The following CD2AP variants were observed in gnomAD, a reference collection of about 807,000 sequenced individuals.
The protein encoded by CD2AP is CD2 associated protein.
Under a neutral mutation model 85.1 loss-of-function variants are expected in CD2AP, and 46 were observed. That is an observed-to-expected ratio of 0.54 (90% CI 0.43 to 0.69). The LOEUF (loss-of-function observed/expected upper bound fraction) is 0.69, where lower values mean the gene tolerates loss of function less well. CD2AP is among the 30% of genes least tolerant of loss of function. The probability of loss-of-function intolerance (pLI) is 0.00; values close to 1 mark genes in which losing one functional copy is unlikely to be tolerated. For synonymous variants in CD2AP, 255 were observed against 252.9 expected (o/e 1.01, Z -0.08); for missense variants, 769 against 729.5 (o/e 1.05, Z -0.62).
intron 15 of CD2AP, 89 bp downstream of exon 15, chr6:47,608,117 G>A (rs114654393): frequency 3.3e-6 from 3 of 916,908 alleles, no homozygotes; most frequent in African/African-American, 1.6e-5. Flanking sequence ...TCTTTAGGAC[G>A]AATTATTTTT....
At chr6:47,492,676 ATGTAAGGTCTGTAGAGATACTC>A (rs1238731472) in intron 1 of CD2AP, among the ~76,000 whole-genome samples, 2 of 152,118 alleles carry the variant, frequency 1.3e-5, no homozygotes, top group Non-Finnish European at 2.9e-5. Context: ...GTTTTAATAA[ATGTAAGGTCTGTAGAGATACTC>A]TGTCTTTTAT....
intron 8 of CD2AP, among the ~76,000 whole-genome samples, chr6:47,578,067 A>G (rs1422891378): frequency 6.6e-6 from 1 of 152,166 alleles, no homozygotes; most frequent in African/African-American, 2.4e-5. Flanking sequence ...ATAGCAGCTA[A>G]AATCATTTAG....
At chr6:47,539,805 T>C (rs1398266187) in intron 3 of CD2AP, among the ~76,000 whole-genome samples, 3 of 152,206 alleles carry the variant, frequency 2.0e-5, no homozygotes, top group Admixed American at 6.5e-5. Context: ...GCTTTACTTA[T>C]ATAATGATTT....
Position 47,607,939 on chromosome 6 carries a change from C to T in CD2AP, c.1543C>T (p.Pro515Ser), listed in dbSNP as rs1466820776. Residue 515 changes from proline (P) to serine (S), a missense_variant, in exon 15 of 18, where the codon CCC becomes TCC. Pro to Ser is a moderately conservative substitution (Grantham distance 74). Transcript: ENST00000359314. The stretch of plus-strand genomic sequence containing the variant: ...AAAAATCATTTAGCCAACTCACAGC[C>T]CCGAAAAAATCTTGAAGTTACCAAA... ...FNGGHSPTHS[P>S]EKILKLPKEE... 6.2e-7 allele frequency: 1 copy of T among 1,611,578 alleles called. No homozygotes were observed. Among genetic ancestry groups the T allele is most frequent in the Admixed American group, 1.7e-5 (1 of 59,916 alleles).
intron 3 of CD2AP, among the ~76,000 whole-genome samples, chr6:47,543,169 A>G (rs1263760918): frequency 5.8e-5 from 8 of 136,760 alleles, no homozygotes; most frequent in East Asian, 2.0e-4. Flanking sequence ...AAAAAAAAAA[A>G]AAAGAAAAAG....
At position 47,595,929 on chromosome 6, in the gene CD2AP, A is replaced by C. The variant is rs867333326; in HGVS notation, c.1177A>C (p.Thr393Pro). The change falls in exon 12 of 18, where the codon ACT (threonine) becomes CCT (proline). Residue 393 changes from threonine to proline, a missense_variant. Transcript: ENST00000359314. ...AAPQVPPKKP[T>P]PPTKASNLLR... ...TCCACAAGTCCCACCCAAGAAACCTACTCCACCTACCAAAGCCAGTAATTT... is the reference window on the plus strand; with the variant it reads ...TCCACAAGTCCCACCCAAGAAACCTCCTCCACCTACCAAAGCCAGTAATTT... The C allele has an allele frequency of 1.9e-6, 3 of 1,612,676 alleles. No homozygotes were observed. The highest frequency in any genetic ancestry group is 1.7e-5 in the Admixed American group (1 of 59,946).
At position 47,609,265 on chromosome 6, in the gene CD2AP, AATTGTTGTGC is replaced by A; in HGVS notation, c.1781_1790del (p.Leu594Ter). The A allele has an allele frequency of 6.2e-7, 1 of 1,613,738 alleles. No homozygotes were observed. The highest frequency in any genetic ancestry group is 1.1e-5 in the South Asian group (1 of 91,078). On this transcript the variant is annotated frameshift_variant, in exon 16 of 18. Transcript: ENST00000359314. LOFTEE classifies it high-confidence loss of function. Reference sequence around the variant, plus strand: ...GATGAACTTAGAGCCCAGATTATTGAATTGTTGTGCATTGTAGAAGCACTGAAAAAGGATC... The same window carrying A: ...GATGAACTTAGAGCCCAGATTATTGAATTGTAGAAGCACTGAAAAAGGATC...
Position 47,503,437 on chromosome 6 carries a change from T to A in CD2AP, c.162T>A (p.Val54=), listed in dbSNP as rs1341197738. The change falls in exon 2 of 18, where the codon GTT becomes GTA. Residue 54 remains valine (V), a synonymous_variant. Coordinates refer to ENST00000359314, the MANE Select transcript of CD2AP (RefSeq NM_012120.3). Reference sequence around the variant, plus strand: ...GAGGAATGTTCCCTGACAATTTCGTTAAGGTAAGTATTTTCAGTTAAATTT... The same window carrying A: ...GAGGAATGTTCCCTGACAATTTCGTAAAGGTAAGTATTTTCAGTTAAATTT... ...GRRGMFPDNF[V]KEIKRETEFK... 1.9e-6 allele frequency: 3 copies of A among 1,613,062 alleles called. No homozygotes were observed. Among genetic ancestry groups the A allele is most frequent in the Admixed American group, 1.7e-5 (1 of 60,006 alleles).
chr6:47,612,376 C>G, intron 16 of CD2AP, 97 bp from the exon 17 acceptor site: 1 of 830,238 alleles, frequency 1.2e-6, no homozygotes, highest in Non-Finnish European at 2.0e-6. Flanking sequence ...AAGTTTTTCC[C>G]ATGAACTGGT....
Position 47,616,541 on chromosome 6 carries a change from C to T in CD2AP, c.1878+4005C>T, listed in dbSNP as rs143754703. Reference sequence around the variant, plus strand: ...TGAAAGTACTTTGTAAATTATCAGACTTTATTTTATCCTTGTTTCCAACAT... The same window carrying T: ...TGAAAGTACTTTGTAAATTATCAGATTTTATTTTATCCTTGTTTCCAACAT... On this transcript the variant is annotated intron_variant, in intron 17 of 17. Transcript: ENST00000359314. 7.3e-4 allele frequency among the ~76,000 whole-genome samples: 111 copies of T among 152,328 alleles called. 1 individual carries two copies. Among genetic ancestry groups the T allele is most frequent in the Admixed American group, 3.9e-3 (60 of 15,298 alleles).
In CD2AP at chr6:47,554,727, A is replaced by G. The variant is rs769062684; in HGVS notation, c.502A>G (p.Thr168Ala). 1.4e-5 allele frequency: 23 copies of G among 1,613,610 alleles called. No homozygotes were observed. The South Asian group carries it at 2.2e-4, about 15-fold the overall frequency. ...AAATTTTGTGAAAGAATTAGAGGTAACAGATGATGGTGAAACTCATGAAGC... is the reference window on the plus strand; with the variant it reads ...AAATTTTGTGAAAGAATTAGAGGTAGCAGATGATGGTGAAACTCATGAAGC... ...PSNFVKELEV[T>A]DDGETHEAQD... Residue 168 changes from threonine to alanine, a missense_variant, in exon 5 of 18, where the codon ACA becomes GCA. Physicochemically the swap from Thr to Ala is moderately conservative, Grantham distance 58. Transcript: ENST00000359314.
In CD2AP at chr6:47,606,189, C is replaced by G. The variant is rs1769264612; in HGVS notation, c.1442C>G (p.Ala481Gly). ...ETDVVNFDDI[A>G]SSENLLHLTA... ...GATGTTGTAAATTTTGATGACATAG[C>G]TTCCTCAGAAAACTTGCTTCATCTC... The change falls in exon 14 of 18, where the codon GCT becomes GGT. Residue 481 changes from alanine to glycine, a missense_variant. Ala to Gly is a moderately conservative substitution (Grantham distance 60). Transcript: ENST00000359314. 1.3e-6 allele frequency: 2 copies of G among 1,599,842 alleles called. No individual in the cohort carries two copies. Among genetic ancestry groups the G allele is most frequent in the African/African-American group, 2.7e-5 (2 of 74,664 alleles).
At position 47,503,456 on chromosome 6, in the gene CD2AP, T is replaced by TA. The variant is rs1199778607; in HGVS notation, c.165+19dup. The TA allele has an allele frequency of 1.2e-6, 2 of 1,604,640 alleles. No individual in the cohort carries two copies. Among genetic ancestry groups the TA allele is most frequent in the Non-Finnish European group, 1.7e-6 (2 of 1,171,480 alleles). On this transcript the variant is annotated intron_variant, in intron 2 of 17. Coordinates refer to ENST00000359314, the MANE Select transcript of CD2AP (RefSeq NM_012120.3). ...TTTCGTTAAGGTAAGTATTTTCAGTTAAATTTCTAGCTCTTGCTTCATAGG... is the reference window on the plus strand; with the variant it reads ...TTTCGTTAAGGTAAGTATTTTCAGTTAAAATTTCTAGCTCTTGCTTCATAGG...
At chr6:47,598,820 G>A in intron 12 of CD2AP, among the ~76,000 whole-genome samples, 1 of 150,358 alleles carries the variant, frequency 6.7e-6, no homozygotes, top group Non-Finnish European at 1.5e-5. Context: ...CTCGGGTGGT[G>A]GGTGCACCAG....
intron 14 of CD2AP, among the ~76,000 whole-genome samples, chr6:47,607,237 G>A (rs573835656): frequency 6.6e-6 from 1 of 151,906 alleles, no homozygotes; most frequent in Non-Finnish European, 1.5e-5. Context: ...TCCAATTCTT[G>A]GCTGTATTCT....
intron 3 of CD2AP, 59 bp from the exon 4 acceptor site, chr6:47,544,547 A>G: frequency 2.8e-6 from 3 of 1,089,518 alleles, no homozygotes; most frequent in Non-Finnish European, 2.8e-6. Flanking sequence ...GCATGTAAAT[A>G]TACTGTTTTT....
chr6:47,612,360 C>T, intron 16 of CD2AP, 113 bp from the exon 17 acceptor site: 1 of 711,304 alleles, frequency 1.4e-6, no homozygotes, highest in Non-Finnish European at 2.5e-6. Flanking sequence ...TGCTATTGCC[C>T]TTAAAAAGTT....
intron 9 of CD2AP, 65 bp downstream of exon 9, chr6:47,579,554 A>G: frequency 9.4e-7 from 1 of 1,068,436 alleles, no homozygotes; most frequent in Non-Finnish European, 1.4e-6. Flanking sequence ...TCTTTTGCAA[A>G]CAAGTTTTTT....
chr6:47,579,605 G>A (rs1768416169), intron 9 of CD2AP, 116 bp downstream of exon 9: 1 of 694,706 alleles, frequency 1.4e-6, no homozygotes, highest in Non-Finnish European at 2.6e-6. Context: ...AGTTTCAGAT[G>A]TAGCTATTCA....
Sources: gnomAD v4.1 joint callset for allele counts (sites outside exome capture counted in the v4.1 genomes callset) on GRCh38, gnomAD v4.1.1 for gene constraint, MANE v1.5 for transcripts, NCBI Gene and HGNC (gene_info 2026-07-23, HGNC 2026-07-21) for gene names.